Variants in CEMIP observed in about 807,000 individuals in gnomAD.
The protein encoded by CEMIP is cell migration-inducing and hyaluronan-binding protein.
CEMIP carries 105 observed loss-of-function variants against 156.9 expected under a neutral mutation model. The ratio of observed to expected loss-of-function variants is 0.67; its 90% CI spans 0.57 to 0.79. The LOEUF (loss-of-function observed/expected upper bound fraction) is 0.79. CEMIP is among the 30% of genes least tolerant of loss of function. The pLI is 0.00. For missense variants in CEMIP, 1,457 were observed against 1,769.4 expected, an observed-to-expected ratio of 0.82 and a Z score of 3.17; for synonymous variants, 676 against 668.4, an observed-to-expected ratio of 1.01 and a Z score of -0.17.
At chr15:80,921,243 G>C in intron 16 of CEMIP, 142 bp downstream of exon 16, 1 of 821,272 alleles carries the variant, frequency 1.2e-6, no homozygotes, top group Admixed American at 2.0e-5. Flanking sequence ...GTGGTGAAGA[G>C]GAAAACGACA....
At chr15:80,813,660 G>A (rs1229668966) in intron 1 of CEMIP, among the ~76,000 whole-genome samples, 2 of 152,020 alleles carry the variant, frequency 1.3e-5, no homozygotes, top group Non-Finnish European at 2.9e-5. Flanking sequence ...CAGCAGTACT[G>A]TCTTAAGAGT....
At chr15:80,943,573 A>G (rs1901425271) in intron 28 of CEMIP, among the ~76,000 whole-genome samples, 1 of 152,122 alleles carries the variant, frequency 6.6e-6, no homozygotes, top group Admixed American at 6.5e-5. Context: ...CCAGCCACTC[A>G]TCCTACTTCT....
chr15:80,881,539 G>A (rs1424729486), intron 6 of CEMIP, among the ~76,000 whole-genome samples: 1 of 151,884 alleles, frequency 6.6e-6, no homozygotes, highest in African/African-American at 2.4e-5. Context: ...GACAGCAAGT[G>A]CAGAAGGCCG....
chr15:80,900,799 T>C, intron 12 of CEMIP: 1 of 358,178 alleles, frequency 2.8e-6, no homozygotes, highest in African/African-American at 2.2e-5. Context: ...TCCACCTGCT[T>C]CTCCCTTTTC....
At chr15:80,938,378 G>C (rs542169446) in intron 25 of CEMIP, among the ~76,000 whole-genome samples, 39 of 152,254 alleles carry the variant, frequency 2.6e-4, no homozygotes, top group African/African-American at 9.1e-4. Context: ...AGGCCGAGGT[G>C]GGTGGATCAC....
intron 14 of CEMIP, among the ~76,000 whole-genome samples, chr15:80,916,960 C>T (rs1405666234): frequency 1.3e-5 from 2 of 152,174 alleles, no homozygotes; most frequent in Admixed American, 6.5e-5. Context: ...AGGTTATGGA[C>T]TCAGACAGAT....
At chr15:80,900,492 G>A (rs1402028803) in intron 12 of CEMIP, among the ~76,000 whole-genome samples, 4 of 151,958 alleles carry the variant, frequency 2.6e-5, no homozygotes, top group Non-Finnish European at 4.4e-5. Context: ...ATTCGGCTCG[G>A]AGCAGCCACC....
intron 1 of CEMIP, among the ~76,000 whole-genome samples, chr15:80,813,210 T>C (rs554131472): frequency 6.6e-6 from 1 of 152,286 alleles, no homozygotes; most frequent in African/African-American, 2.4e-5. Context: ...TAATAGCACC[T>C]CCTTCAAAAG....
At chr15:80,900,646 G>A (rs891764590) in intron 12 of CEMIP, among the ~76,000 whole-genome samples, 5 of 117,332 alleles carry the variant, frequency 4.3e-5, no homozygotes, top group African/African-American at 9.5e-5. Context: ...GTGTGTGTGT[G>A]TGTCTGTGTG....
chr15:80,803,946 T>G (rs745491216), intron 1 of CEMIP, among the ~76,000 whole-genome samples: 3 of 152,246 alleles, frequency 2.0e-5, no homozygotes, highest in Non-Finnish European at 4.4e-5. Flanking sequence ...AAAAGAGATT[T>G]AATGGACTCA....
intron 16 of CEMIP, 124 bp downstream of exon 16, chr15:80,921,225 G>A (rs1900459328): frequency 1.1e-6 from 1 of 914,828 alleles, no homozygotes; most frequent in South Asian, 1.4e-5. Context: ...ATGCAGACGG[G>A]CTTAGCTGTG....
intron 10 of CEMIP, among the ~76,000 whole-genome samples, chr15:80,894,178 C>G (rs1047463680): frequency 6.6e-6 from 1 of 152,176 alleles, no homozygotes; most frequent in Non-Finnish European, 1.5e-5. Context: ...CAGAGCCCAC[C>G]ATGCGGTGGG....
intron 1 of CEMIP, among the ~76,000 whole-genome samples, chr15:80,797,862 G>A (rs911227530): frequency 6.6e-5 from 10 of 152,320 alleles, no homozygotes; most frequent in East Asian, 5.8e-4. Flanking sequence ...ATGCCAGGCC[G>A]CCTCCACTGT....
intron 25 of CEMIP, among the ~76,000 whole-genome samples, chr15:80,939,905 G>C (rs1207874519): frequency 6.6e-6 from 1 of 152,118 alleles, no homozygotes; most frequent in African/African-American, 2.4e-5. Flanking sequence ...GCTATAATTA[G>C]GGGTAAAATT....
chr15:80,949,049 C>A lies in CEMIP; in HGVS notation c.*125C>A. The A allele has an allele frequency of 2.3e-6, 3 of 1,279,120 alleles. No individual in the cohort carries two copies. The highest frequency in any genetic ancestry group is 3.4e-6 in the Non-Finnish European group (3 of 886,556). 79.2% of individuals were successfully genotyped at this position (1,279,120 alleles called of 1,614,324 possible). A position where few individuals can be genotyped will look rare whatever the true frequency, so the allele number is the denominator to read the frequency against. On this transcript the variant is annotated 3_prime_UTR_variant, in exon 30 of 30. Coordinates refer to ENST00000394685, the MANE Select transcript of CEMIP (RefSeq NM_001293298.2). ...GCTGCCTGGGAAGGCCGTGTTTCAG[C>A]CCTGATGGGCCAAGGGAAGGCTATC... is the stretch of plus-strand genomic sequence containing the variant.
intron 1 of CEMIP, among the ~76,000 whole-genome samples, chr15:80,786,469 G>C (rs1895940798): frequency 6.6e-6 from 1 of 151,848 alleles, no homozygotes; most frequent in African/African-American, 2.4e-5. Context: ...CAAGATATCT[G>C]CCCACCACTG....
intron 1 of CEMIP, chr15:80,841,970 A>G: frequency 2.8e-6 from 1 of 360,644 alleles, no homozygotes; most frequent in South Asian, 2.4e-5. Context: ...GAAAATGCCT[A>G]GCACAGTGCC....
In CEMIP at chr15:80,805,916, A is replaced by G. The variant is rs550905697; in HGVS notation, c.-176+26302A>G. 1.1e-4 allele frequency among the ~76,000 whole-genome samples: 17 copies of G among 152,318 alleles called. No homozygotes were observed. The South Asian group carries it at 1.9e-3, about 17-fold the overall frequency. ...GTGTCACTTTTTCCCACTTTTTAAC[A>G]CTGAACTCATTGGGACATGAATTTA... is the stretch of plus-strand genomic sequence containing the variant. On this transcript the variant is annotated intron_variant, in intron 1 of 29. Transcript: ENST00000394685.
At chr15:80,919,551 C>T (rs1046580791) in intron 14 of CEMIP, among the ~76,000 whole-genome samples, 1 of 152,220 alleles carries the variant, frequency 6.6e-6, no homozygotes, top group Non-Finnish European at 1.5e-5. Flanking sequence ...CGGTGGCTCA[C>T]ACCTGTAATC....
Sources: allele counts gnomAD v4.1 joint callset (sites outside exome capture counted in the v4.1 genomes callset), GRCh38; gene constraint gnomAD v4.1.1; transcripts MANE v1.5; gene names NCBI Gene and HGNC (gene_info 2026-07-23, HGNC 2026-07-21).